Variants in ITGB1 observed in about 807,000 individuals in gnomAD.
ITGB1 encodes integrin beta-1.
ITGB1 carries 24 observed loss-of-function variants against 86.5 expected under a neutral mutation model. The ratio of observed to expected loss-of-function variants is 0.28; its 90% CI spans 0.20 to 0.39. The LOEUF (loss-of-function observed/expected upper bound fraction) is 0.39, where lower values mean the gene tolerates loss of function less well. ITGB1 is among the 10% of genes least tolerant of loss of function. ITGB1 has a pLI of 1.00. For missense variants in ITGB1, 556 were observed against 946.9 expected, an observed-to-expected ratio of 0.59 and a Z score of 5.42; for synonymous variants, 323 against 316.8, an observed-to-expected ratio of 1.02 and a Z score of -0.21.
At chr10:32,907,417 C>A (rs1265779587) in intron 15 of ITGB1, among the ~76,000 whole-genome samples, 1 of 152,136 alleles carries the variant, frequency 6.6e-6, no homozygotes, top group Non-Finnish European at 1.5e-5. Flanking sequence ...CACCCTCTGA[C>A]TCCATATTTC....
intron 13 of ITGB1, 101 bp downstream of exon 13, chr10:32,911,347 G>T: frequency 1.0e-6 from 1 of 988,602 alleles, no homozygotes; most frequent in Non-Finnish European, 1.5e-6. Flanking sequence ...TTTATTTACA[G>T]TATATTTTAA....
chr10:32,931,065 A>G (rs1330019129), intron 3 of ITGB1, among the ~76,000 whole-genome samples: 4 of 152,176 alleles, frequency 2.6e-5, no homozygotes, highest in African/African-American at 9.6e-5. Context: ...AATAGTTTTT[A>G]CATAAGATTT....
intron 9 of ITGB1, among the ~76,000 whole-genome samples, chr10:32,920,982 AAAAAACAAAAAC>A (rs71030022): frequency 6.7e-6 from 1 of 149,842 alleles, no homozygotes; most frequent in Admixed American, 6.7e-5. Context: ...GACTCCATCT[AAAAAACAAAAAC>A]AAAAACAAAA....
chr10:32,921,927 A>T (rs1330432580), intron 9 of ITGB1, among the ~76,000 whole-genome samples: 1 of 152,180 alleles, frequency 6.6e-6, no homozygotes, highest in Admixed American at 6.5e-5. Flanking sequence ...TTGGGGAGGA[A>T]AAAGATTGGA....
At chr10:32,923,537 T>A in intron 7 of ITGB1, 48 bp downstream of exon 7, 2 of 1,527,724 alleles carry the variant, frequency 1.3e-6, no homozygotes, top group Non-Finnish European at 1.8e-6. Flanking sequence ...TATTAAACAT[T>A]AAAATCCAAC....
At chr10:32,956,185 T>C (rs2095051755) in intron 1 of ITGB1, among the ~76,000 whole-genome samples, 1 of 152,194 alleles carries the variant, frequency 6.6e-6, no homozygotes, top group Non-Finnish European at 1.5e-5. Context: ...GTCAACATTA[T>C]TTAAAAATAT....
At chr10:32,913,613 A>G (rs1373984331) in intron 11 of ITGB1, among the ~76,000 whole-genome samples, 3 of 152,008 alleles carry the variant, frequency 2.0e-5, no homozygotes, top group Non-Finnish European at 4.4e-5. Flanking sequence ...AAGTTTAGAG[A>G]AAAAAAAGAG....
At chr10:32,947,109 G>A (rs191904715) in intron 1 of ITGB1, among the ~76,000 whole-genome samples, 43 of 152,066 alleles carry the variant, frequency 2.8e-4, no homozygotes, top group African/African-American at 1.0e-3. Context: ...TCCCAAAGTG[G>A]TGGGATTACA....
chr10:32,910,308 C>T lies in ITGB1; in HGVS notation c.2079G>A (p.Glu693=), dbSNP rs1245479847. The change falls in exon 14 of 16, where the codon GAG becomes GAA. Residue 693 remains glutamate (E), a synonymous_variant. Coordinates refer to ENST00000302278, the MANE Select transcript of ITGB1 (RefSeq NM_002211.4). ...AGAACCAACAGTCGTCAACATCCTTCTCCTTACAATGGGACACAGGATCAG... is the reference window on the plus strand; with the variant it reads ...AGAACCAACAGTCGTCAACATCCTTTTCCTTACAATGGGACACAGGATCAG... ...VQPDPVSHCK[E]KDVDDCWFYF... 6 of 1,605,606 alleles carry T rather than the reference C, an allele frequency of 3.7e-6. No individual in the cohort carries two copies. The East Asian group carries it at 1.3e-4, about 36-fold the overall frequency.
rs1266629183 is a variant in ITGB1, at chr10:32,954,571, A to C, written c.-1+3574T>G. 1.3e-5 allele frequency among the ~76,000 whole-genome samples: 2 copies of C among 152,202 alleles called. 1 individual carries two copies. ...AGTAAGATTATCAATCATAATCAAA[A>C]TTTTAAATTTTAAAGTGATGAGATC... On this transcript the variant is annotated intron_variant, in intron 1 of 15. Transcript: ENST00000302278.
At position 32,919,792 on chromosome 10, in the gene ITGB1, TAGAG is replaced by T. The variant is rs1267748984; in HGVS notation, c.1469+89_1469+92del. The T allele has an allele frequency of 3.7e-6, 4 of 1,086,310 alleles. No individual in the cohort carries two copies. The African/African-American group carries it at 4.7e-5, about 13-fold the overall frequency. The allele number at this position is 1,086,310 out of a possible 1,614,324, so 67.3% of individuals were successfully genotyped here. A position where few individuals can be genotyped will look rare whatever the true frequency, so the allele number is the denominator to read the frequency against. On this transcript the variant is annotated intron_variant, in intron 11 of 15. Coordinates refer to ENST00000302278, the MANE Select transcript of ITGB1 (RefSeq NM_002211.4). ...GTTGGAAAAAATAATTTGCTCCAAA[TAGAG>T]AGATATTCTCTGGATGTCCCAAAAT...
chr10:32,915,247 T>C (rs1322947843), intron 11 of ITGB1, among the ~76,000 whole-genome samples: 1 of 152,004 alleles, frequency 6.6e-6, no homozygotes, highest in African/African-American at 2.4e-5. Flanking sequence ...AACATCACAA[T>C]TAAAAGAACT....
At chr10:32,954,796 A>G (rs2095049204) in intron 1 of ITGB1, among the ~76,000 whole-genome samples, 1 of 152,186 alleles carries the variant, frequency 6.6e-6, no homozygotes, top group Admixed American at 6.5e-5. Flanking sequence ...TCATGCACAC[A>G]CACGTTTCAT....
At chr10:32,911,109 C>T (rs2094911928) in intron 13 of ITGB1, among the ~76,000 whole-genome samples, 1 of 152,130 alleles carries the variant, frequency 6.6e-6, no homozygotes, top group Non-Finnish European at 1.5e-5. Flanking sequence ...TTTAATTTGG[C>T]TTAGTTTTGT....
At chr10:32,941,680 A>G (rs550205535) in intron 1 of ITGB1, among the ~76,000 whole-genome samples, 3 of 152,340 alleles carry the variant, frequency 2.0e-5, no homozygotes, top group Admixed American at 2.0e-4. Flanking sequence ...GCTGGAAGAC[A>G]AATACAGAAT....
At position 32,928,199 on chromosome 10, in the gene ITGB1, G is replaced by C. The variant is rs1374022817; in HGVS notation, c.442C>G (p.Leu148Val). 9.2e-7 allele frequency: 1 copy of C among 1,092,042 alleles called. No individual in the cohort carries two copies. Among genetic ancestry groups the C allele is most frequent in the Non-Finnish European group, 1.4e-6 (1 of 702,678 alleles). 67.6% of individuals were successfully genotyped at this position (1,092,042 alleles called of 1,614,324 possible). ...AEDYPIDLYY[L>V]MDLSYSMKDD... The stretch of plus-strand genomic sequence containing the variant: ...TTCATTGAGTAAGACAGGTCCATAA[G>C]GTAGTAGAGGTCAATGGGATAGTCT... Residue 148 changes from leucine (L) to valine (V), a missense_variant, in exon 5 of 16, where the codon CTT becomes GTT. Coordinates refer to ENST00000302278, the MANE Select transcript of ITGB1 (RefSeq NM_002211.4).
Position 32,929,866 on chromosome 10 carries a change from A to G in ITGB1, c.332T>C (p.Ile111Thr). ...CAACTGCTGTGGTTGGATCTGAGTA[A>G]TATCCTCTGGCTTGAGCTTCTCTGC... is the stretch of plus-strand genomic sequence containing the variant. ...GTAEKLKPED[I>T]TQIQPQQLVL... The change falls in exon 4 of 16, where the codon ATT (isoleucine) becomes ACT (threonine). Residue 111 changes from isoleucine to threonine, a missense_variant. Ile to Thr is a moderately conservative substitution (Grantham distance 89). Transcript: ENST00000302278. 1 of 1,613,544 alleles carries G rather than the reference A, an allele frequency of 6.2e-7. No homozygotes were observed. The highest frequency in any genetic ancestry group is 8.5e-7 in the Non-Finnish European group (1 of 1,179,480).
At chr10:32,953,633 T>A (rs1279553018) in intron 1 of ITGB1, 1 of 151,900 alleles carries the variant, frequency 6.6e-6, no homozygotes, top group Non-Finnish European at 1.5e-5. Flanking sequence ...AACGAGAGAA[T>A]GAGAGAAACA....
intron 11 of ITGB1, among the ~76,000 whole-genome samples, chr10:32,915,794 A>T (rs2094929662): frequency 6.6e-6 from 1 of 152,204 alleles, no homozygotes; most frequent in Admixed American, 6.5e-5. Flanking sequence ...AAAAGAGGGA[A>T]TCCTCCCTAA....
Sources: gnomAD v4.1 joint callset for allele counts (sites outside exome capture counted in the v4.1 genomes callset) on GRCh38, gnomAD v4.1.1 for gene constraint, MANE v1.5 for transcripts, NCBI Gene and HGNC (gene_info 2026-07-23, HGNC 2026-07-21) for gene names.